Variants in TSG101 observed in about 807,000 individuals in gnomAD.
The protein encoded by TSG101 is tumor susceptibility gene 101 protein.
In TSG101, 19 loss-of-function variants were observed where a neutral mutation model predicts 48.5. The ratio of observed to expected loss-of-function variants is 0.39; its 90% CI spans 0.27 to 0.58. The LOEUF (loss-of-function observed/expected upper bound fraction) is 0.58. TSG101 is among the 20% of genes least tolerant of loss of function. The pLI is 0.55. For synonymous variants in TSG101, 174 were observed against 169.4 expected, an observed-to-expected ratio of 1.03 and a Z score of -0.21; for missense variants, 365 against 484.4, an observed-to-expected ratio of 0.75 and a Z score of 2.31.
At chr11:18,484,253 T>C (rs1467620621) in intron 7 of TSG101, among the ~76,000 whole-genome samples, 181 bp from the exon 8 acceptor site, 1 of 152,228 alleles carries the variant, frequency 6.6e-6, no homozygotes, top group Non-Finnish European at 1.5e-5. Context: ...TCAGAAATAC[T>C]TGCCCTACAA....
chr11:18,516,185 T>C (rs1850168763), intron 2 of TSG101, 21 bp from the exon 3 acceptor site: 1 of 1,608,756 alleles, frequency 6.2e-7, no homozygotes, highest in Non-Finnish European at 8.5e-7. Flanking sequence ...AGAACAATGA[T>C]TTAATCATGA....
At chr11:18,500,452 G>C (rs2133917033) in intron 7 of TSG101, among the ~76,000 whole-genome samples, 1 of 152,164 alleles carries the variant, frequency 6.6e-6, no homozygotes, top group Middle Eastern at 3.4e-3. Context: ...CATTGTATAA[G>C]TTCCCTTTTC....
At chr11:18,495,761 A>T (rs762666488) in intron 7 of TSG101, among the ~76,000 whole-genome samples, 1 of 150,916 alleles carries the variant, frequency 6.6e-6, no homozygotes, top group Non-Finnish European at 1.5e-5. Context: ...TCAAAACACT[A>T]TGTAAACTGA....
intron 2 of TSG101, 112 bp downstream of exon 2, chr11:18,519,407 T>C (rs1014566131): frequency 1.2e-6 from 1 of 802,842 alleles, no homozygotes; most frequent in African/African-American, 1.8e-5. Context: ...TAGGCGGTGG[T>C]GCAATCCCAC....
rs183785098 is a variant in TSG101 at position 18,480,391 on chromosome 11, C to T, written c.*155G>A. On this transcript the variant is annotated 3_prime_UTR_variant, in exon 10 of 10. Coordinates refer to ENST00000251968, the MANE Select transcript of TSG101 (RefSeq NM_006292.4). ...GGATAGAAAGTGCATTAATAAAAGC[C>T]AGTCTTTACCAAAAGAAAACAGAAA... 78 of 556,534 alleles carry T rather than the reference C, an allele frequency of 1.4e-4. No individual in the cohort carries two copies. Among genetic ancestry groups the T allele is most frequent in the African/African-American group, 1.4e-3 (72 of 52,816 alleles). 34.5% of individuals were successfully genotyped at this position (556,534 alleles called of 1,614,324 possible). A position where few individuals can be genotyped will look rare whatever the true frequency, so the allele number is the denominator to read the frequency against.
At chr11:18,509,437 T>C in intron 5 of TSG101, 105 bp downstream of exon 5, 8 of 1,417,602 alleles carry the variant, frequency 5.6e-6, no homozygotes, top group East Asian at 2.5e-5. Flanking sequence ...ACTAGCTTGA[T>C]AAACTAAAAA....
chr11:18,482,174 C>T (rs1182542049), intron 8 of TSG101, among the ~76,000 whole-genome samples: 1 of 152,206 alleles, frequency 6.6e-6, no homozygotes, highest in Admixed American at 6.5e-5. Context: ...TACTTTCCAG[C>T]AGAAGGTTCC....
intron 8 of TSG101, among the ~76,000 whole-genome samples, chr11:18,483,508 AAAAG>A (rs1293242840): frequency 1.1e-4 from 16 of 151,416 alleles, no homozygotes; most frequent in African/African-American, 3.6e-4. Context: ...AAAAAAAAAA[AAAAG>A]GAGTGCCTTT....
At chr11:18,524,153 T>C (rs950694048) in intron 1 of TSG101, among the ~76,000 whole-genome samples, 1 of 152,228 alleles carries the variant, frequency 6.6e-6, no homozygotes, top group African/African-American at 2.4e-5. Flanking sequence ...AGATAAACTA[T>C]GTAAAAATAT....
chr11:18,519,621 A>ATT lies in TSG101; in HGVS notation c.43-19_43-18insAA. The ATT allele has an allele frequency of 5.1e-6, 8 of 1,577,948 alleles. No individual in the cohort carries two copies. Among genetic ancestry groups the ATT allele is most frequent in the Non-Finnish European group, 6.9e-6 (8 of 1,155,972 alleles). On this transcript the variant is annotated intron_variant, in intron 1 of 9. Transcript: ENST00000251968. ...TATTTGTACTGAAAAGCAAAATCGC[A>ATT]TAAGAATTTAGTTTAAAACCAATGC...
chr11:18,492,892 T>G (rs575446268), intron 7 of TSG101, among the ~76,000 whole-genome samples: 1 of 152,262 alleles, frequency 6.6e-6, no homozygotes, highest in South Asian at 2.1e-4. Flanking sequence ...CATGCCACTT[T>G]AAGATAATGT....
chr11:18,511,929 A>G (rs1850090382), intron 4 of TSG101, among the ~76,000 whole-genome samples: 1 of 152,036 alleles, frequency 6.6e-6, no homozygotes, highest in Non-Finnish European at 1.5e-5. Context: ...CACTTGGCAT[A>G]ATGTTTTCAG....
intron 7 of TSG101, among the ~76,000 whole-genome samples, chr11:18,487,392 GA>G (rs1469192756): frequency 2.0e-5 from 3 of 152,048 alleles, no homozygotes; most frequent in Admixed American, 1.3e-4. Flanking sequence ...GCAGGGAGGG[GA>G]AAACTGATTT....
rs150253115 is a variant in TSG101, at chr11:18,518,398, A to T, written c.127+1121T>A. Among the ~76,000 whole-genome samples the T allele has an allele frequency of 1.4e-3, 211 of 152,246 alleles. 1 individual carries two copies. The highest frequency in any genetic ancestry group is 4.6e-3 in the African/African-American group (192 of 41,534). On this transcript the variant is annotated intron_variant, in intron 2 of 9. Transcript: ENST00000251968. ...AGTTCCTTGCTTTCAGAGCTAAGGG[A>T]CTCACAATGGACAAGCAGCAGCATG...
At chr11:18,499,402 A>ATATATATATATATATATATTTTTT in intron 7 of TSG101, among the ~76,000 whole-genome samples, 6 of 5,448 alleles carry the variant, frequency 1.1e-3, no homozygotes, top group Admixed American at 6.3e-3. Flanking sequence ...ATATATATAT[A>ATATATATATATATATATATTTTTT]TTTTTTTTTT....
At chr11:18,500,480 ATT>A (rs1403627528) in intron 7 of TSG101, among the ~76,000 whole-genome samples, 4 of 151,934 alleles carry the variant, frequency 2.6e-5, no homozygotes, top group African/African-American at 4.8e-5. Flanking sequence ...CCTCAATAAC[ATT>A]TGTTATTTTT....
chr11:18,512,094 T>C (rs911430072), intron 4 of TSG101, among the ~76,000 whole-genome samples: 2 of 152,190 alleles, frequency 1.3e-5, no homozygotes, highest in East Asian at 3.9e-4. Context: ...AGGCCTAATA[T>C]AAAGCAACAG....
chr11:18,483,029 T>C (rs1340583430), intron 8 of TSG101, among the ~76,000 whole-genome samples: 3 of 106,926 alleles, frequency 2.8e-5, no homozygotes, highest in Admixed American at 2.0e-4. Context: ...CCTGTGTGCG[T>C]GTGTGTGTGT....
chr11:18,499,483 T>C (rs1484365683), intron 7 of TSG101, among the ~76,000 whole-genome samples: 1 of 135,738 alleles, frequency 7.4e-6, no homozygotes, highest in African/African-American at 2.8e-5. Context: ...TGATCTCAGC[T>C]CACTGCAACC....
Sources: gnomAD v4.1 joint callset for allele counts (sites outside exome capture counted in the v4.1 genomes callset) on GRCh38, gnomAD v4.1.1 for gene constraint, MANE v1.5 for transcripts, NCBI Gene and HGNC (gene_info 2026-07-23, HGNC 2026-07-21) for gene names.